Variants in DNAH11 observed in about 807,000 individuals in gnomAD.
DNAH11 encodes the protein axonemal beta dynein heavy chain 11.
DNAH11 carries 442 observed loss-of-function variants against 526.0 expected under a neutral mutation model. The observed-to-expected ratio is 0.84, with a 90% confidence interval of 0.78 to 0.91. The LOEUF (loss-of-function observed/expected upper bound fraction) is 0.91, where lower values mean the gene tolerates loss of function less well. Among genes scored for constraint, DNAH11 ranks in the 40% least tolerant of loss-of-function variants. DNAH11 has a pLI of 0.00. For missense variants in DNAH11, 6,989 were observed against 5,448.7 expected, an observed-to-expected ratio of 1.28 and a Z score of -8.90; for synonymous variants, 2,461 against 1,935.9, an observed-to-expected ratio of 1.27 and a Z score of -7.12.
At chr7:21,556,144 C>A (rs141004876) in intron 2 of DNAH11, among the ~76,000 whole-genome samples, 2 of 152,290 alleles carry the variant, frequency 1.3e-5, no homozygotes, top group East Asian at 3.9e-4. Context: ...TAAGGTTATA[C>A]CCTGGTCCCT....
At chr7:21,602,509 T>C (rs1785131144) in intron 18 of DNAH11, among the ~76,000 whole-genome samples, 1 of 152,076 alleles carries the variant, frequency 6.6e-6, no homozygotes, top group South Asian at 2.1e-4. Context: ...TGAACCACAG[T>C]CTCACAATTT....
At chr7:21,822,993 G>A (rs1790121706) in intron 65 of DNAH11, among the ~76,000 whole-genome samples, 1 of 83,906 alleles carries the variant, frequency 1.2e-5, no homozygotes, top group Non-Finnish European at 2.3e-5. Context: ...TTGCTATCGG[G>A]TTGAGTTCCT....
At chr7:21,683,347 CTG>C (rs1783220206) in intron 31 of DNAH11, among the ~76,000 whole-genome samples, 1 of 152,160 alleles carries the variant, frequency 6.6e-6, no homozygotes, top group East Asian at 1.9e-4. Flanking sequence ...CAGAAAATCT[CTG>C]TACTAAAAGC....
chr7:21,597,039 G>A (rs1422887657), intron 14 of DNAH11, among the ~76,000 whole-genome samples: 1 of 152,186 alleles, frequency 6.6e-6, no homozygotes, highest in Non-Finnish European at 1.5e-5. Flanking sequence ...CCTTTTGCAT[G>A]CTGCATGTTT....
chr7:21,846,123 C>G (rs114638464), intron 66 of DNAH11, among the ~76,000 whole-genome samples: 1 of 152,116 alleles, frequency 6.6e-6, no homozygotes, highest in Non-Finnish European at 1.5e-5. Context: ...TTGCAAGAGG[C>G]CTTACGTTCA....
intron 18 of DNAH11, among the ~76,000 whole-genome samples, chr7:21,604,552 C>A (rs1211608762): frequency 6.6e-6 from 1 of 152,156 alleles, no homozygotes; most frequent in Non-Finnish European, 1.5e-5. Flanking sequence ...AGGGATCTCA[C>A]CCTAATCTCT....
intron 66 of DNAH11, among the ~76,000 whole-genome samples, chr7:21,846,858 T>G (rs1343751723): frequency 6.6e-6 from 1 of 152,174 alleles, no homozygotes; most frequent in African/African-American, 2.4e-5. Context: ...GAAAGGTTAT[T>G]AATTATTGAG....
intron 63 of DNAH11, among the ~76,000 whole-genome samples, chr7:21,815,047 G>T (rs1044204175): frequency 6.6e-6 from 1 of 152,012 alleles, no homozygotes; most frequent in Non-Finnish European, 1.5e-5. Flanking sequence ...ATATTGAACT[G>T]GGTTTTATTT....
chr7:21,880,752 TTC>T lies in DNAH11; in HGVS notation c.12252_12253del (p.Cys4085LeufsTer24), dbSNP rs1300982129. The T allele has an allele frequency of 6.2e-7, 1 of 1,614,022 alleles. No individual in the cohort carries two copies. On this transcript the variant is annotated frameshift_variant, in exon 75 of 82. Transcript: ENST00000409508. LOFTEE classifies it high-confidence loss of function. ...AGCAGGAGTTTAAAAGCATCCTTTT[TTC>T]TCTCTGCTACTTCCACGCCTGTGTT... ...KEQEFKSILFSLCYFHACVAG... is the reference protein window; with the variant it reads ...KEQEFKSILFXLCYFHACVAG...
chr7:21,729,656 C>G (rs1785286547), intron 45 of DNAH11, among the ~76,000 whole-genome samples: 1 of 151,980 alleles, frequency 6.6e-6, no homozygotes, highest in Non-Finnish European at 1.5e-5. Flanking sequence ...CAGCCGTGTT[C>G]CTTGCCACAT....
chr7:21,885,430 A>C (rs148987586), intron 76 of DNAH11, among the ~76,000 whole-genome samples: 121 of 152,034 alleles, frequency 8.0e-4, no homozygotes, highest in African/African-American at 2.8e-3. Context: ...TAAATGGTGA[A>C]TAGAACAGTG....
In DNAH11 at chr7:21,652,477, C is replaced by T. The variant is rs189350533; in HGVS notation, c.4945-3355C>T. Among the ~76,000 whole-genome samples, 5 of 152,280 alleles carry T rather than the reference C, an allele frequency of 3.3e-5. No homozygotes were observed. In the East Asian group the frequency reaches 9.6e-4, roughly 29 times the overall value. On this transcript the variant is annotated intron_variant, in intron 28 of 81. Transcript: ENST00000409508. ...GAAGGAGGCAATGCTATTCATATAA[C>T]TTAAGTTTTCTGCAACGAAGACTGT...
At chr7:21,610,574 A>G (rs1177526914) in intron 20 of DNAH11, among the ~76,000 whole-genome samples, 1 of 152,216 alleles carries the variant, frequency 6.6e-6, no homozygotes, top group Non-Finnish European at 1.5e-5. Context: ...AGATGCATGC[A>G]AAGTTTCAGA....
intron 69 of DNAH11, 47 bp downstream of exon 69, chr7:21,862,070 G>C: frequency 6.5e-7 from 1 of 1,529,100 alleles, no homozygotes; most frequent in Non-Finnish European, 8.8e-7. Context: ...ACCAAAGGCA[G>C]ATGCCTCTGT....
rs79930907 is a variant in DNAH11, at chr7:21,704,766, A to G, written c.6468+138A>G. ...TTAATATATGCTTTCAAGCATTTTC[A>G]TATGGCAGGATTAAGTAAACATAAG... On this transcript the variant is annotated intron_variant, in intron 38 of 81. Transcript: ENST00000409508. The G allele has an allele frequency of 6.7e-3, 6,118 of 919,654 alleles. 235 individuals are homozygous for G. In the African/African-American group the frequency reaches 0.087, roughly 13 times the overall value. 57.0% of individuals were successfully genotyped at this position (919,654 alleles called of 1,614,324 possible).
At chr7:21,618,701 C>A (rs1785900079) in intron 23 of DNAH11, among the ~76,000 whole-genome samples, 1 of 152,152 alleles carries the variant, frequency 6.6e-6, no homozygotes, top group Non-Finnish European at 1.5e-5. Context: ...GAATTATGTT[C>A]AGTGAATAGG....
At position 21,698,209 on chromosome 7, in the gene DNAH11, A is replaced by C. The variant is rs1783930160; in HGVS notation, c.6176A>C (p.Lys2059Thr). Reference protein sequence around the residue: ...LYTLCKELLSKQDHYDWGLRA... With the variant: ...LYTLCKELLSTQDHYDWGLRA... ...ACGCTTTGCAAGGAGCTTCTCTCCAAGCAGGTGAGGGATCATTTGTTACGT... is the reference window on the plus strand; with the variant it reads ...ACGCTTTGCAAGGAGCTTCTCTCCACGCAGGTGAGGGATCATTTGTTACGT... The change falls in exon 36 of 82, where the codon AAG (lysine) becomes ACG (threonine). Residue 2059 changes from lysine to threonine, a missense_variant. Coordinates refer to ENST00000409508, the MANE Select transcript of DNAH11 (RefSeq NM_001277115.2). The C allele has an allele frequency of 6.2e-7, 1 of 1,613,470 alleles. No homozygotes were observed. The highest frequency in any genetic ancestry group is 8.5e-7 in the Non-Finnish European group (1 of 1,179,628).
chr7:21,554,079 C>A (rs1783126455), intron 2 of DNAH11, among the ~76,000 whole-genome samples: 1 of 151,618 alleles, frequency 6.6e-6, no homozygotes. Flanking sequence ...ATCTCCAATG[C>A]CTTTGAGACC....
In DNAH11 at chr7:21,866,359, T is replaced by C. The variant is rs12700317; in HGVS notation, c.11497-111T>C. Reference sequence around the variant, plus strand: ...AAGGAAATCTGAAGAGGAGAGTGAATACTATCCAGCACAGTTTTTTTACAT... The same window carrying C: ...AAGGAAATCTGAAGAGGAGAGTGAACACTATCCAGCACAGTTTTTTTACAT... On this transcript the variant is annotated intron_variant, in intron 70 of 81. Coordinates refer to ENST00000409508, the MANE Select transcript of DNAH11 (RefSeq NM_001277115.2). The C allele has an allele frequency of 0.82, 771,650 of 935,518 alleles. 321,208 individuals carry two copies. The highest frequency in any genetic ancestry group is 0.89 in the African/African-American group (53,263 of 60,154). 58.0% of individuals were successfully genotyped at this position (935,518 alleles called of 1,614,324 possible).
Sources: allele counts gnomAD v4.1 joint callset (sites outside exome capture counted in the v4.1 genomes callset), GRCh38; gene constraint gnomAD v4.1.1; transcripts MANE v1.5; gene names NCBI Gene and HGNC (gene_info 2026-07-23, HGNC 2026-07-21).